Variants in DNAH11 observed in about 807,000 individuals in gnomAD.
DNAH11 encodes the protein axonemal beta dynein heavy chain 11.
DNAH11 carries 442 observed loss-of-function variants against 526.0 expected under a neutral mutation model. The observed-to-expected ratio is 0.84, with a 90% CI of 0.78 to 0.91. The LOEUF is 0.91. Among genes scored for constraint, DNAH11 ranks in the 40% least tolerant of loss-of-function variants. The pLI is 0.00. For missense variants in DNAH11, 6,989 were observed against 5,448.7 expected (o/e 1.28, Z -8.90); for synonymous variants, 2,461 against 1,935.9 (o/e 1.27, Z -7.12).
chr7:21,619,716 G>A (rs1209967243), intron 24 of DNAH11, among the ~76,000 whole-genome samples: 1 of 152,014 alleles, frequency 6.6e-6, no homozygotes, highest in Non-Finnish European at 1.5e-5. Flanking sequence ...TTTTGGTTAG[G>A]GATGATAAAC....
intron 76 of DNAH11, among the ~76,000 whole-genome samples, chr7:21,889,754 C>T (rs1055664778): frequency 6.6e-6 from 1 of 152,182 alleles, no homozygotes; most frequent in Non-Finnish European, 1.5e-5. Flanking sequence ...ACAGCTTTCT[C>T]AGACAAACCT....
At chr7:21,893,247 T>C (rs377385032) in intron 77 of DNAH11, among the ~76,000 whole-genome samples, 1 of 152,234 alleles carries the variant, frequency 6.6e-6, no homozygotes, top group Non-Finnish European at 1.5e-5. Context: ...GTAGCTTTAA[T>C]AGTATTCCCA....
rs1562614648 is a variant in DNAH11 at position 21,901,158 on chromosome 7, GAGAGGCCCCAGCT to G, written c.13457_13469del (p.Arg4486ThrfsTer7). The G allele has an allele frequency of 6.2e-7, 1 of 1,612,562 alleles. No individual in the cohort carries two copies. Among genetic ancestry groups the G allele is most frequent in the Admixed American group, 1.7e-5 (1 of 59,912 alleles). On this transcript the variant is annotated frameshift_variant, in exon 82 of 82. Coordinates refer to ENST00000409508, the MANE Select transcript of DNAH11 (RefSeq NM_001277115.2). LOFTEE classifies it high-confidence loss of function. ...AGTGCCCTGTGTATAGAACCAAACT[GAGAGGCCCCAGCT>G]ACATCTGGACCTTCAGGCTGAAGAG...
Position 21,873,398 on chromosome 7 carries a change from A to G in DNAH11, c.12092A>G (p.His4031Arg), listed in dbSNP as rs751165212. 1.2e-6 allele frequency: 2 copies of G among 1,614,040 alleles called. No homozygotes were observed. The highest frequency in any genetic ancestry group is 8.5e-7 in the Non-Finnish European group (1 of 1,179,882). ...GAGTCTGCACCTACACCAGATGAGC[A>G]TATCATCCCTCAAGGACTCCTGGAA... ...SAESAPTPDE[H>R]IIPQGLLENS... Residue 4031 changes from histidine to arginine, a missense_variant, in exon 74 of 82, where the codon CAT (histidine) becomes CGT (arginine). Coordinates refer to ENST00000409508, the MANE Select transcript of DNAH11 (RefSeq NM_001277115.2).
At chr7:21,588,016 G>A in intron 9 of DNAH11, 48 bp from the exon 10 acceptor site, 2 of 1,583,738 alleles carry the variant, frequency 1.3e-6, no homozygotes, top group Non-Finnish European at 1.7e-6. Context: ...CTGAGTATTT[G>A]TTAAAAACTC....
intron 74 of DNAH11, among the ~76,000 whole-genome samples, chr7:21,876,268 AC>A (rs1051534686): frequency 2.4e-4 from 37 of 152,308 alleles, no homozygotes; most frequent in African/African-American, 7.9e-4. Flanking sequence ...AGCAAAGATA[AC>A]CAAAGTGATT....
chr7:21,775,283 G>T (rs866228335), intron 56 of DNAH11, among the ~76,000 whole-genome samples: 2 of 152,066 alleles, frequency 1.3e-5, no homozygotes, highest in Admixed American at 6.6e-5. Flanking sequence ...CCCACAAATA[G>T]CATATCCATA....
chr7:21,602,020 T>A (rs1180086856), intron 18 of DNAH11, among the ~76,000 whole-genome samples: 1 of 152,178 alleles, frequency 6.6e-6, no homozygotes, highest in East Asian at 1.9e-4. Context: ...GCCCTAGTCT[T>A]GCAAACGTAT....
At chr7:21,588,361 T>C (rs1161558088) in intron 10 of DNAH11, 151 bp from the exon 11 acceptor site, 1 of 1,311,670 alleles carries the variant, frequency 7.6e-7, no homozygotes, top group Admixed American at 2.2e-5. Flanking sequence ...AAACTTGCTT[T>C]AGGACTGTAA....
At chr7:21,799,075 A>T (rs1788844909) in intron 61 of DNAH11, among the ~76,000 whole-genome samples, 1 of 152,148 alleles carries the variant, frequency 6.6e-6, no homozygotes, top group South Asian at 2.1e-4. Context: ...CCTAGATATT[A>T]TTCTATAAAT....
At chr7:21,725,263 G>A (rs554596641) in intron 44 of DNAH11, among the ~76,000 whole-genome samples, 2 of 152,272 alleles carry the variant, frequency 1.3e-5, no homozygotes, top group South Asian at 4.1e-4. Flanking sequence ...TCATGGCAGG[G>A]ATTCCCAGAT....
At chr7:21,618,839 C>T (rs957374811) in intron 23 of DNAH11, among the ~76,000 whole-genome samples, 9 of 151,972 alleles carry the variant, frequency 5.9e-5, no homozygotes, top group African/African-American at 1.5e-4. Flanking sequence ...AGAAACGTGC[C>T]GACAAGGGAA....
intron 65 of DNAH11, among the ~76,000 whole-genome samples, chr7:21,821,311 C>T (rs1046080279): frequency 6.6e-6 from 1 of 152,104 alleles, no homozygotes; most frequent in Non-Finnish European, 1.5e-5. Context: ...GAGTATGGAG[C>T]TTAGTAAAAG....
intron 54 of DNAH11, among the ~76,000 whole-genome samples, chr7:21,764,018 G>A (rs966994067): frequency 3.9e-5 from 6 of 151,938 alleles, no homozygotes; most frequent in African/African-American, 1.5e-4. Context: ...TAGAATGGTG[G>A]TTACCAGGAG....
intron 20 of DNAH11, among the ~76,000 whole-genome samples, chr7:21,607,636 A>G (rs1785347665): frequency 6.6e-6 from 1 of 152,022 alleles, no homozygotes; most frequent in African/African-American, 2.4e-5. Context: ...CTTTCAATTA[A>G]AAAAACAAGC....
At chr7:21,872,360 T>C (rs139920344) in intron 73 of DNAH11, among the ~76,000 whole-genome samples, 20 of 152,172 alleles carry the variant, frequency 1.3e-4, no homozygotes, top group African/African-American at 4.8e-4. Context: ...CTTTTTGCAA[T>C]AGAAATTTTA....
chr7:21,731,538 G>A (rs890044542), intron 45 of DNAH11, among the ~76,000 whole-genome samples: 6 of 152,120 alleles, frequency 3.9e-5, no homozygotes, highest in East Asian at 1.9e-4. Context: ...AAAAAGCAAC[G>A]TACAGAATAA....
chr7:21,757,550 C>T lies in DNAH11; in HGVS notation c.8940+7186C>T, dbSNP rs1053631126. ...TCTTCAGGTTCTTATATTAAATCAA[C>T]TTCGGAGGAATTATCTGCCTTTCAA... On this transcript the variant is annotated intron_variant, in intron 54 of 81. Transcript: ENST00000409508. 7.2e-5 allele frequency among the ~76,000 whole-genome samples: 11 copies of T among 152,166 alleles called. 1 individual carries two copies. Among genetic ancestry groups the T allele is most frequent in the Admixed American group, 5.2e-4 (8 of 15,278 alleles).
intron 57 of DNAH11, among the ~76,000 whole-genome samples, chr7:21,781,542 CT>C (rs1787941226): frequency 6.6e-6 from 1 of 152,188 alleles, no homozygotes; most frequent in Admixed American, 6.5e-5. Context: ...GAGTGTAAAC[CT>C]TTATGAGTAG....
Sources: gnomAD v4.1 joint callset for allele counts (sites outside exome capture counted in the v4.1 genomes callset) on GRCh38, gnomAD v4.1.1 for gene constraint, MANE v1.5 for transcripts, NCBI Gene and HGNC (gene_info 2026-07-23, HGNC 2026-07-21) for gene names.